The following PIK3R4 variants were observed in gnomAD, a reference collection of about 807,000 sequenced individuals.
PIK3R4 encodes the protein phosphoinositide 3-kinase regulatory subunit 4.
A neutral mutation model predicts 136.5 loss-of-function variants in PIK3R4; 46 were observed. That is an observed-to-expected ratio of 0.34 (90% confidence interval 0.27 to 0.43). The LOEUF (loss-of-function observed/expected upper bound fraction) is 0.43, where lower values mean the gene tolerates loss of function less well. Ranked by LOEUF, PIK3R4 falls within the 20% of genes least tolerant of loss-of-function variation. PIK3R4 has a pLI of 1.00. For missense variants in PIK3R4, 1,331 were observed against 1,649.5 expected (o/e 0.81, Z 3.35); for synonymous variants, 557 against 566.7 (o/e 0.98, Z 0.24).
chr3:130,723,125 CA>C (rs142080497), intron 7 of PIK3R4, among the ~76,000 whole-genome samples: 1,203 of 58,226 alleles, frequency 0.021, 20 homozygotes, highest in East Asian at 0.11. Flanking sequence ...AAAGCCAAAA[CA>C]AAAACCAAAG....
rs1491244410 is a variant in PIK3R4 at position 130,697,062 on chromosome 3, GCT to G, written c.3099-6410_3099-6409del. ...GTTCTATCTGACATTGGCCACTCCA[GCT>G]TTTTTTTTTTTTTTTTTTTTTTTTG... is the stretch of plus-strand genomic sequence containing the variant. On this transcript the variant is annotated intron_variant, in intron 13 of 19. Transcript: ENST00000356763. Among the ~76,000 whole-genome samples, 48 of 96,390 alleles carry G rather than the reference GCT, an allele frequency of 5.0e-4. 1 individual carries two copies. The highest frequency in any genetic ancestry group is 1.7e-3 in the African/African-American group (47 of 27,086). The allele number at this position is 96,390 out of a possible 152,430, so 63.2% of individuals were successfully genotyped here.
In PIK3R4 at chr3:130,728,207, T is replaced by A. The variant is rs151267150; in HGVS notation, c.1807+256A>T. On this transcript the variant is annotated intron_variant, in intron 6 of 19. Transcript: ENST00000356763. ...AACATACTTCATGGTACTTTCCAGG[T>A]CATTATTCTGTCTAAATATAGTTAA... Among the ~76,000 whole-genome samples the A allele has an allele frequency of 8.9e-3, 1,353 of 152,292 alleles. 8 individuals are homozygous for A. Among genetic ancestry groups the A allele is most frequent in the Middle Eastern group, 0.024 (7 of 294 alleles).
intron 7 of PIK3R4, 144 bp downstream of exon 7, chr3:130,723,270 T>TACACAC (rs1460794815): frequency 5.1e-5 from 34 of 671,558 alleles, no homozygotes; most frequent in South Asian, 4.3e-4. Flanking sequence ...CACATACACA[T>TACACAC]ACACACATGC....
chr3:130,738,689 TAA>T (rs200880715), intron 2 of PIK3R4, among the ~76,000 whole-genome samples: 3 of 129,866 alleles, frequency 2.3e-5, no homozygotes, highest in South Asian at 2.4e-4. Flanking sequence ...AAGAAATGCT[TAA>T]AAAAAAAAAA....
intron 2 of PIK3R4, among the ~76,000 whole-genome samples, chr3:130,743,704 T>C (rs1252951590): frequency 6.6e-6 from 1 of 152,166 alleles, no homozygotes; most frequent in African/African-American, 2.4e-5. Flanking sequence ...TCTCCACTCC[T>C]TCCAACTCTG....
At chr3:130,681,635 T>G (rs764429994) in intron 16 of PIK3R4, 44 bp from the exon 17 acceptor site, 1 of 1,190,110 alleles carries the variant, frequency 8.4e-7, no homozygotes, top group Non-Finnish European at 1.2e-6. Context: ...ACAAAAAGAG[T>G]TGGAGAAGAT....
chr3:130,723,062 CAAAAAAAAAAAAAAAAAAAAA>C (rs61129038), intron 7 of PIK3R4, among the ~76,000 whole-genome samples: 20 of 19,494 alleles, frequency 1.0e-3, no homozygotes, highest in Non-Finnish European at 1.6e-3. Context: ...GAGACTGTCG[CAAAAAAAAAAAAAAAAAAAAA>C]AAAAAAAAAA....
At position 130,697,226 on chromosome 3, in the gene PIK3R4, C is replaced by G. The variant is rs76578141; in HGVS notation, c.3098+6497G>C. ...CTGGGACTACAGGCGTGTGCCACCA[C>G]GCCTGGCAAAATTTTTTTGTATTTT... is the stretch of plus-strand genomic sequence containing the variant. On this transcript the variant is annotated intron_variant, in intron 13 of 19. Transcript: ENST00000356763. 7.0e-3 allele frequency among the ~76,000 whole-genome samples: 1,056 copies of G among 151,934 alleles called. 14 individuals are homozygous for G. Among genetic ancestry groups the G allele is most frequent in the African/African-American group, 0.024 (1,001 of 41,450 alleles).
Position 130,707,002 on chromosome 3 carries a change from A to T in PIK3R4, c.2667T>A (p.Pro889=), listed in dbSNP as rs1184904856. 1.2e-6 allele frequency: 2 copies of T among 1,612,872 alleles called. No homozygotes were observed. The highest frequency in any genetic ancestry group is 2.7e-5 in the African/African-American group (2 of 74,882). The change falls in exon 11 of 20, where the codon CCT becomes CCA. Residue 889 remains proline, a synonymous_variant. Transcript: ENST00000356763. ...TGCCAGCAGAGGACTCGGAACGAGG[A>T]GGTTTCCCAGTCTGAATCACCTCCT... ...SDQEVIQTGK[P]PRSESSAGIC... is the part of the protein sequence containing the mutation.
intron 13 of PIK3R4, among the ~76,000 whole-genome samples, chr3:130,693,123 T>A (rs566797472): frequency 1.3e-5 from 2 of 152,334 alleles, no homozygotes; most frequent in East Asian, 3.9e-4. Context: ...TCACTTAGCA[T>A]ACTGTTTTCA....
At chr3:130,705,387 C>G (rs2066600773) in intron 12 of PIK3R4, among the ~76,000 whole-genome samples, 174 bp downstream of exon 12, 1 of 152,140 alleles carries the variant, frequency 6.6e-6, no homozygotes, top group South Asian at 2.1e-4. Context: ...TAAAAAGATC[C>G]AACTCCACAA....
intron 13 of PIK3R4, among the ~76,000 whole-genome samples, chr3:130,691,866 A>ATT (rs1660558389): frequency 1.6e-5 from 2 of 123,952 alleles, no homozygotes; most frequent in Non-Finnish European, 1.7e-5. Context: ...ATCTCTCTCT[A>ATT]GTTTTTTTTT....
chr3:130,705,371 C>A (rs907634752), intron 12 of PIK3R4, among the ~76,000 whole-genome samples, 190 bp downstream of exon 12: 4 of 152,172 alleles, frequency 2.6e-5, no homozygotes, highest in African/African-American at 9.7e-5. Context: ...ATGACTTTGC[C>A]AGTTGTAAAA....
chr3:130,715,902 T>A (rs1434245788), intron 9 of PIK3R4, among the ~76,000 whole-genome samples: 1 of 152,232 alleles, frequency 6.6e-6, no homozygotes, highest in Non-Finnish European at 1.5e-5. Flanking sequence ...TTTTAAGATA[T>A]ACCAGTAAAC....
At chr3:130,736,142 A>G (rs1326790756) in intron 2 of PIK3R4, 140 bp from the exon 3 acceptor site, 6 of 560,262 alleles carry the variant, frequency 1.1e-5, no homozygotes, top group Non-Finnish European at 1.2e-5. Flanking sequence ...TGCAACATAC[A>G]ACTACAATCA....
intron 13 of PIK3R4, among the ~76,000 whole-genome samples, chr3:130,701,422 G>A (rs1336441062): frequency 6.6e-6 from 1 of 151,676 alleles, no homozygotes; most frequent in Non-Finnish European, 1.5e-5. Flanking sequence ...TGAGGCAGGA[G>A]AATCACTTGA....
intron 10 of PIK3R4, among the ~76,000 whole-genome samples, 199 bp downstream of exon 10, chr3:130,708,092 G>C (rs906471037): frequency 2.6e-5 from 4 of 152,212 alleles, no homozygotes; most frequent in Non-Finnish European, 4.4e-5. Flanking sequence ...TGTGATTCTG[G>C]CAAGTTACTT....
At chr3:130,717,743 TAGGAACTTTCAGATG>T (rs2066673701) in intron 8 of PIK3R4, among the ~76,000 whole-genome samples, 3 of 152,112 alleles carry the variant, frequency 2.0e-5, no homozygotes, top group Non-Finnish European at 2.9e-5. Context: ...CTGGTAAAAA[TAGGAACTTTCAGATG>T]TTTTAACAGC....
In PIK3R4 at chr3:130,690,530, T is replaced by A; in HGVS notation, c.3223A>T (p.Lys1075Ter). The A allele has an allele frequency of 6.2e-7, 1 of 1,613,678 alleles. No homozygotes were observed. Among genetic ancestry groups the A allele is most frequent in the Non-Finnish European group, 8.5e-7 (1 of 1,179,648 alleles). ...TGGATTTTAGGAGACTTGGGCAGCT[T>A]AGAAGCCTCAATTCCAAGAAGCTGG... ...AVQLLGIEAS[K>*]LPKSPKIHPL... Residue 1075 changes from lysine to a stop codon, truncating the protein, a stop_gained, in exon 14 of 20, where the codon AAG (lysine) becomes TAG (stop). Coordinates refer to ENST00000356763, the MANE Select transcript of PIK3R4 (RefSeq NM_014602.3). LOFTEE classifies it high-confidence loss of function.
Sources: gnomAD v4.1 joint callset for allele counts (sites outside exome capture counted in the v4.1 genomes callset) on GRCh38, gnomAD v4.1.1 for gene constraint, MANE v1.5 for transcripts, NCBI Gene and HGNC (gene_info 2026-07-23, HGNC 2026-07-21) for gene names.